The following TMPO variants were observed in gnomAD, a reference collection of about 807,000 sequenced individuals.
TMPO encodes the protein thymopoietin.
TMPO carries 22 observed loss-of-function variants against 45.4 expected under a neutral mutation model. The ratio of observed to expected loss-of-function variants is 0.48; its 90% CI spans 0.35 to 0.69. TMPO has a LOEUF of 0.69. Among genes scored for constraint, TMPO ranks in the 30% least tolerant of loss-of-function variants. The pLI, the probability that TMPO is intolerant of heterozygous loss-of-function variation, is 0.01. For missense variants in TMPO, 512 were observed against 548.8 expected (o/e 0.93, Z 0.67); for synonymous variants, 241 against 204.1 (o/e 1.18, Z -1.54).
chr12:98,538,210 A>C (rs565770037), intron 4 of TMPO, among the ~76,000 whole-genome samples: 2 of 152,318 alleles, frequency 1.3e-5, no homozygotes, highest in African/African-American at 4.8e-5. Context: ...TATTGTTTAC[A>C]GAGAACAAAT....
chr12:98,548,828 A>G lies in TMPO; in HGVS notation c.*970A>G, dbSNP rs1341170580. On this transcript the variant is annotated 3_prime_UTR_variant, in exon 9 of 9. Transcript: ENST00000556029. ...ATTTCCCAGCATAATTTGATTAGAA[A>G]GTACAAAAAGGGCCAGGCGCGGTGG... 1 of 152,218 alleles carries G rather than the reference A, an allele frequency of 6.6e-6. No individual in the cohort carries two copies. The highest frequency in any genetic ancestry group is 2.4e-5 in the African/African-American group (1 of 41,466). 9.4% of individuals were successfully genotyped at this position (152,218 alleles called of 1,614,324 possible).
rs377624930 is a variant in TMPO at position 98,537,521 on chromosome 12, C to A, written c.612C>A (p.Gly204=). 3 of 1,613,444 alleles carry A rather than the reference C, an allele frequency of 1.9e-6. No homozygotes were observed. Among genetic ancestry groups the A allele is most frequent in the African/African-American group, 2.7e-5 (2 of 74,880 alleles). ...LKLEKREPLK[G]RAKTPVTLKQ... ...TTGAGAAGAGAGAACCACTAAAGGG[C>A]AGAGCAAAGACTCCAGTAACACTCA... is the stretch of plus-strand genomic sequence containing the variant. Residue 204 remains glycine (G), a synonymous_variant, in exon 4 of 9, where the codon GGC becomes GGA. Coordinates refer to ENST00000556029, the MANE Select transcript of TMPO (RefSeq NM_001032283.3).
In TMPO at chr12:98,537,513, C is replaced by G; in HGVS notation, c.604C>G (p.Leu202Val). 1 of 1,613,632 alleles carries G rather than the reference C, an allele frequency of 6.2e-7. No individual in the cohort carries two copies. The highest frequency in any genetic ancestry group is 8.5e-7 in the Non-Finnish European group (1 of 1,179,750). Reference sequence around the variant, plus strand: ...GCTCAAGCTTGAGAAGAGAGAACCACTAAAGGGCAGAGCAAAGACTCCAGT... The same window carrying G: ...GCTCAAGCTTGAGAAGAGAGAACCAGTAAAGGGCAGAGCAAAGACTCCAGT... ...IELKLEKREP[L>V]KGRAKTPVTL... Residue 202 changes from leucine (L) to valine (V), a missense_variant, in exon 4 of 9, where the codon CTA (leucine) becomes GTA (valine). This residue lies in a region of TMPO where 299 missense variants were observed against 296.7 expected (regional missense o/e 1.01). Coordinates refer to ENST00000556029, the MANE Select transcript of TMPO (RefSeq NM_001032283.3).
intron 1 of TMPO, 197 bp from the exon 2 acceptor site, chr12:98,527,689 G>A (rs1218260321): frequency 3.4e-6 from 2 of 586,288 alleles, no homozygotes; most frequent in Non-Finnish European, 6.0e-6. Flanking sequence ...GCTTGGCTGT[G>A]CGGTTTGTAT....
intron 6 of TMPO, 118 bp downstream of exon 6, chr12:98,544,655 A>G (rs1464349788): frequency 5.9e-6 from 5 of 849,382 alleles, no homozygotes; most frequent in African/African-American, 1.7e-5. Context: ...TTTTTTAACA[A>G]TTTTAAACTG....
At chr12:98,547,356 C>T (rs894495013) in intron 8 of TMPO, among the ~76,000 whole-genome samples, 5 of 152,066 alleles carry the variant, frequency 3.3e-5, no homozygotes, top group Admixed American at 1.3e-4. Context: ...ATTGCAGGCG[C>T]GAGCCACCAT....
At chr12:98,539,527 C>T (rs1033357499) in intron 4 of TMPO, among the ~76,000 whole-genome samples, 3 of 141,984 alleles carry the variant, frequency 2.1e-5, no homozygotes, top group Non-Finnish European at 4.5e-5. Flanking sequence ...GGTTGGAGTG[C>T]AGTGGCACAA....
At chr12:98,532,440 A>G (rs192945490) in intron 3 of TMPO, among the ~76,000 whole-genome samples, 1 of 152,128 alleles carries the variant, frequency 6.6e-6, no homozygotes. Flanking sequence ...AATTGTTCGC[A>G]GTTTTTGTTA....
In TMPO at chr12:98,544,990, C is replaced by G; in HGVS notation, c.919C>G (p.Pro307Ala). 2 of 1,613,652 alleles carry G rather than the reference C, an allele frequency of 1.2e-6. No individual in the cohort carries two copies. Among genetic ancestry groups the G allele is most frequent in the Non-Finnish European group, 1.7e-6 (2 of 1,179,956 alleles). ...RVTGNFKHASPILPITEFSDI... is the reference protein window; with the variant it reads ...RVTGNFKHASAILPITEFSDI... ...GACTGGAAATTTCAAGCATGCATCTCCTATTCTGCCAATCACTGAATTCTC... is the reference window on the plus strand; with the variant it reads ...GACTGGAAATTTCAAGCATGCATCTGCTATTCTGCCAATCACTGAATTCTC... Residue 307 changes from proline to alanine, a missense_variant, in exon 7 of 9, where the codon CCT (proline) becomes GCT (alanine). By Grantham distance (27) the Pro-to-Ala change is conservative (BLOSUM62 -1). This residue lies in a region of TMPO where 209 missense variants were observed against 235.1 expected (regional missense o/e 0.89). Transcript: ENST00000556029.
chr12:98,536,786 T>C lies in TMPO; in HGVS notation c.566-689T>C, dbSNP rs537540300. ...GTTGTTAGGTTAATAACTATCATGG[T>C]GACAAGTGTATAAGTATTGGCTTCT... On this transcript the variant is annotated intron_variant, in intron 3 of 8. Coordinates refer to ENST00000556029, the MANE Select transcript of TMPO (RefSeq NM_001032283.3). Among the ~76,000 whole-genome samples, 5 of 152,356 alleles carry C rather than the reference T, an allele frequency of 3.3e-5. No individual in the cohort carries two copies. The South Asian group carries it at 1.0e-3, about 32-fold the overall frequency.
chr12:98,536,061 A>G (rs1385973500), intron 3 of TMPO, among the ~76,000 whole-genome samples: 1 of 152,172 alleles, frequency 6.6e-6, no homozygotes, highest in Non-Finnish European at 1.5e-5. Context: ...TTAGTCCTAA[A>G]TAAAGACTGA....
chr12:98,545,151 G>C (rs1254859858), intron 7 of TMPO, 90 bp downstream of exon 7: 40 of 786,100 alleles, frequency 5.1e-5, no homozygotes, highest in Non-Finnish European at 7.8e-5. Flanking sequence ...TTTTTTTGGA[G>C]TGGGAGGGAG....
At chr12:98,529,420 T>C (rs1565809052) in intron 2 of TMPO, among the ~76,000 whole-genome samples, 5 of 152,138 alleles carry the variant, frequency 3.3e-5, no homozygotes, top group Admixed American at 1.3e-4. Context: ...TGAGGAATTA[T>C]ACCCTTAAAA....
At chr12:98,535,170 A>G (rs866653730) in intron 3 of TMPO, 21 of 984,974 alleles carry the variant, frequency 2.1e-5, no homozygotes, top group South Asian at 4.7e-5. Context: ...TTCACCATCT[A>G]TTTTGTCAGA....
chr12:98,516,209 C>G (rs777336811), intron 1 of TMPO, 63 bp downstream of exon 1: 7 of 1,317,790 alleles, frequency 5.3e-6, no homozygotes, highest in Admixed American at 4.2e-5. Context: ...GCGCTCGCCG[C>G]CGTTTGCAGC....
intron 3 of TMPO, chr12:98,532,802 CT>C: frequency 6.2e-7 from 1 of 1,614,092 alleles, no homozygotes. Flanking sequence ...CTTAAACTTC[CT>C]GCCTCTTTTG....
intron 4 of TMPO, among the ~76,000 whole-genome samples, chr12:98,538,578 C>T (rs1877714825): frequency 1.3e-5 from 2 of 152,170 alleles, no homozygotes; most frequent in African/African-American, 4.8e-5. Context: ...GTCTCAAACT[C>T]CTGACCTCAG....
rs398044704 is a variant in TMPO, at chr12:98,521,100, A to ATTTTTTTTTTTTTTTTTTT, written c.279+4961_279+4979dup. On this transcript the variant is annotated intron_variant, in intron 1 of 8. Transcript: ENST00000556029. Reference sequence around the variant, plus strand: ...CTATTTAATCATGGGTTTATGAGGAATTTTTTTTTTTTTTTTTTTTTTTTT... The same window carrying ATTTTTTTTTTTTTTTTTTT: ...CTATTTAATCATGGGTTTATGAGGAATTTTTTTTTTTTTTTTTTTTTTTTTTTTTTTTTTTTTTTTTTTT... Among the ~76,000 whole-genome samples, 41 of 76,770 alleles carry ATTTTTTTTTTTTTTTTTTT rather than the reference A, an allele frequency of 5.3e-4. 4 individuals are homozygous for ATTTTTTTTTTTTTTTTTTT. Among genetic ancestry groups the ATTTTTTTTTTTTTTTTTTT allele is most frequent in the South Asian group, 1.3e-3 (3 of 2,258 alleles). The allele number at this position is 76,770 out of a possible 152,430, so 50.4% of individuals were successfully genotyped here. A position where few individuals can be genotyped will look rare whatever the true frequency, so the allele number is the denominator to read the frequency against.
chr12:98,542,904 G>A (rs1878001745), intron 4 of TMPO, among the ~76,000 whole-genome samples: 1 of 152,158 alleles, frequency 6.6e-6, no homozygotes, highest in Admixed American at 6.5e-5. Context: ...CTCTGTGTAT[G>A]TCTGTAATTT....
Sources: gnomAD v4.1 joint callset for allele counts (sites outside exome capture counted in the v4.1 genomes callset) on GRCh38, gnomAD v4.1.1 for gene constraint, gnomAD v4.1.1 regional missense constraint, MANE v1.5 for transcripts, NCBI Gene and HGNC (gene_info 2026-07-23, HGNC 2026-07-21) for gene names.